Variants in HS6ST1 observed in about 807,000 individuals in gnomAD.
HS6ST1 encodes the protein heparan sulfate 6-O-sulfotransferase 1, also known as heparan-sulfate 6-O-sulfotransferase 1.
Under a neutral mutation model 25.2 loss-of-function variants are expected in HS6ST1, and 3 were observed. The ratio of observed to expected loss-of-function variants is 0.12; its 90% CI spans 0.05 to 0.31. The LOEUF (loss-of-function observed/expected upper bound fraction) is 0.31. HS6ST1 is among the 10% of genes least tolerant of loss of function. HS6ST1 has a pLI of 1.00. For missense variants in HS6ST1, 310 were observed against 609.6 expected, an observed-to-expected ratio of 0.51 and a Z score of 5.18; for synonymous variants, 204 against 275.1, an observed-to-expected ratio of 0.74 and a Z score of 2.56.
chr2:128,269,633 GGT>G (rs147585995), intron 1 of HS6ST1, among the ~76,000 whole-genome samples: 1 of 152,162 alleles, frequency 6.6e-6, no homozygotes. Context: ...GGATATGCCC[GGT>G]GTGTGTGTGT....
At chr2:128,307,809 A>G (rs1212504230) in intron 1 of HS6ST1, among the ~76,000 whole-genome samples, 1 of 151,962 alleles carries the variant, frequency 6.6e-6, no homozygotes, top group East Asian at 1.9e-4. Context: ...GGTGAGGAGA[A>G]CCTCCCTCTG....
chr2:128,290,938 T>C (rs940968962), intron 1 of HS6ST1, among the ~76,000 whole-genome samples: 4 of 151,176 alleles, frequency 2.6e-5, no homozygotes, highest in Non-Finnish European at 5.9e-5. Flanking sequence ...GCGGAGATCG[T>C]GTCATAGCAC....
At chr2:128,276,056 C>T (rs759047687) in intron 1 of HS6ST1, among the ~76,000 whole-genome samples, 3 of 152,214 alleles carry the variant, frequency 2.0e-5, no homozygotes, top group Admixed American at 1.3e-4. Context: ...ATGATGGTAA[C>T]GTGTATTTTA....
intron 1 of HS6ST1, among the ~76,000 whole-genome samples, chr2:128,279,180 C>CG (rs1320022282): frequency 1.3e-5 from 2 of 151,990 alleles, no homozygotes; most frequent in Non-Finnish European, 2.9e-5. Flanking sequence ...GATGGGGGTG[C>CG]GGGGGTGGGT....
At chr2:128,312,660 C>G (rs1694308851) in intron 1 of HS6ST1, among the ~76,000 whole-genome samples, 1 of 152,140 alleles carries the variant, frequency 6.6e-6, no homozygotes, top group African/African-American at 2.4e-5. Flanking sequence ...CTCCCAAGTG[C>G]CCTACATAGA....
chr2:128,316,561 G>A (rs1694365929), intron 1 of HS6ST1, among the ~76,000 whole-genome samples: 1 of 152,178 alleles, frequency 6.6e-6, no homozygotes, highest in South Asian at 2.1e-4. Flanking sequence ...ACGTGCATCT[G>A]TGCAGAGCAG....
At chr2:128,314,513 C>A (rs965468239) in intron 1 of HS6ST1, among the ~76,000 whole-genome samples, 1 of 152,132 alleles carries the variant, frequency 6.6e-6, no homozygotes, top group African/African-American at 2.4e-5. Context: ...TCTGAGCAGA[C>A]TGAAGGGAGG....
intron 1 of HS6ST1, among the ~76,000 whole-genome samples, chr2:128,310,227 T>C (rs774228122): frequency 6.6e-6 from 1 of 152,184 alleles, no homozygotes; most frequent in Non-Finnish European, 1.5e-5. Context: ...CCTCAGCGCC[T>C]GGTCTGCACA....
At chr2:128,311,137 T>A (rs1694284723) in intron 1 of HS6ST1, among the ~76,000 whole-genome samples, 1 of 152,178 alleles carries the variant, frequency 6.6e-6, no homozygotes, top group South Asian at 2.1e-4. Flanking sequence ...GGTCTAGGAC[T>A]ATTTTTTTCA....
chr2:128,297,374 C>T (rs1459080884), intron 1 of HS6ST1, among the ~76,000 whole-genome samples: 4 of 152,096 alleles, frequency 2.6e-5, no homozygotes, highest in Non-Finnish European at 5.9e-5. Context: ...TAGAAATTAA[C>T]TCAAAATGGA....
intron 1 of HS6ST1, among the ~76,000 whole-genome samples, chr2:128,292,689 T>C (rs544881668): frequency 4.8e-4 from 73 of 151,754 alleles, no homozygotes; most frequent in Non-Finnish European, 9.0e-4. Context: ...TGGCTCCAGA[T>C]TCAGGGCATT....
At chr2:128,302,642 C>A (rs961406036) in intron 1 of HS6ST1, among the ~76,000 whole-genome samples, 1 of 152,166 alleles carries the variant, frequency 6.6e-6, no homozygotes, top group Non-Finnish European at 1.5e-5. Flanking sequence ...TGGCTCCCCT[C>A]CCCTCACTCC....
chr2:128,289,384 C>T lies in HS6ST1; in HGVS notation c.528-20514G>A, dbSNP rs529008779. ...TTTGCTCATTTTATTCCTGCAACCC[C>T]GGTACGGTCGCCACTATTAGATCCC... On this transcript the variant is annotated intron_variant, in intron 1 of 1. Coordinates refer to ENST00000259241, the MANE Select transcript of HS6ST1 (RefSeq NM_004807.3). 1.5e-4 allele frequency among the ~76,000 whole-genome samples: 23 copies of T among 152,278 alleles called. No individual in the cohort carries two copies. The South Asian group carries it at 4.4e-3, about 29-fold the overall frequency.
At chr2:128,292,218 G>A (rs975026459) in intron 1 of HS6ST1, among the ~76,000 whole-genome samples, 1 of 152,218 alleles carries the variant, frequency 6.6e-6, no homozygotes, top group South Asian at 2.1e-4. Context: ...TGTGGGGAGA[G>A]GGATCCCCAG....
At chr2:128,295,188 C>G (rs1388087947) in intron 1 of HS6ST1, among the ~76,000 whole-genome samples, 1 of 152,232 alleles carries the variant, frequency 6.6e-6, no homozygotes, top group Non-Finnish European at 1.5e-5. Context: ...CAGGCAGCAT[C>G]CTTGCTGCCT....
intron 1 of HS6ST1, among the ~76,000 whole-genome samples, chr2:128,272,785 A>C (rs987455476): frequency 6.6e-6 from 1 of 152,166 alleles, no homozygotes; most frequent in Non-Finnish European, 1.5e-5. Flanking sequence ...AAAAGCTGGG[A>C]GGGTGAGCTG....
intron 1 of HS6ST1, among the ~76,000 whole-genome samples, chr2:128,297,783 G>A (rs1034135716): frequency 2.0e-5 from 3 of 152,178 alleles, no homozygotes; most frequent in African/African-American, 7.2e-5. Context: ...GCGGTGAGCC[G>A]AGATGACACC....
At chr2:128,305,568 G>C (rs73956996) in intron 1 of HS6ST1, among the ~76,000 whole-genome samples, 1 of 152,170 alleles carries the variant, frequency 6.6e-6, no homozygotes, top group East Asian at 1.9e-4. Flanking sequence ...GTTGGAGCCC[G>C]GCTGGCTGAG....
At chr2:128,302,576 G>A (rs77477256) in intron 1 of HS6ST1, among the ~76,000 whole-genome samples, 2,233 of 152,160 alleles carry the variant, frequency 0.015, 51 homozygotes, top group African/African-American at 0.049. Flanking sequence ...TGACTGAGTG[G>A]CTCCTTGACA....
Sources: gnomAD v4.1 joint callset for allele counts (sites outside exome capture counted in the v4.1 genomes callset) on GRCh38, gnomAD v4.1.1 for gene constraint, MANE v1.5 for transcripts, NCBI Gene and HGNC (gene_info 2026-07-23, HGNC 2026-07-21) for gene names.